The following SND1 variants were observed in gnomAD, a reference collection of about 807,000 sequenced individuals.
SND1 encodes staphylococcal nuclease and tudor domain containing 1.
SND1 carries 38 observed loss-of-function variants against 121.7 expected under a neutral mutation model. That is an observed-to-expected ratio of 0.31 (90% CI 0.24 to 0.41). The LOEUF (loss-of-function observed/expected upper bound fraction) is 0.41, where lower values mean the gene tolerates loss of function less well. Ranked by LOEUF, SND1 falls within the 10% of genes least tolerant of loss-of-function variation. The pLI is 1.00. For synonymous variants in SND1, 401 were observed against 447.4 expected (o/e 0.90, Z 1.31); for missense variants, 868 against 1,184.6 (o/e 0.73, Z 3.92).
At chr7:128,030,483 C>G in intron 16 of SND1, 1 of 1,613,600 alleles carries the variant, frequency 6.2e-7, no homozygotes, top group Non-Finnish European at 8.5e-7. Flanking sequence ...GAACTGGTTA[C>G]TGCACGAGCA....
At chr7:127,823,736 A>T (rs982909900) in intron 11 of SND1, among the ~76,000 whole-genome samples, 1 of 140,844 alleles carries the variant, frequency 7.1e-6, no homozygotes. Context: ...ATCCAGCATT[A>T]CAAACTGTTC....
At chr7:127,902,272 A>G (rs576379550) in intron 13 of SND1, among the ~76,000 whole-genome samples, 3 of 152,208 alleles carry the variant, frequency 2.0e-5, no homozygotes, top group Middle Eastern at 3.4e-3. Flanking sequence ...AGATCTATTT[A>G]TTTTGGTTGT....
At chr7:127,842,837 C>G (rs1164530675) in intron 11 of SND1, among the ~76,000 whole-genome samples, 1 of 152,064 alleles carries the variant, frequency 6.6e-6, no homozygotes, top group Non-Finnish European at 1.5e-5. Context: ...TTCTTAATAA[C>G]TCTTAATCTG....
intron 15 of SND1, among the ~76,000 whole-genome samples, chr7:127,953,290 T>C (rs1228657830): frequency 1.3e-5 from 2 of 151,562 alleles, no homozygotes; most frequent in African/African-American, 2.4e-5. Context: ...CAAGATCTGC[T>C]AATGGGAGCA....
intron 12 of SND1, among the ~76,000 whole-genome samples, chr7:127,848,473 G>A (rs1314991410): frequency 6.6e-6 from 1 of 152,232 alleles, no homozygotes; most frequent in African/African-American, 2.4e-5. Flanking sequence ...GTGCAAGTCA[G>A]TTAAGGGAAG....
At chr7:127,827,650 T>C in intron 11 of SND1, among the ~76,000 whole-genome samples, 1 of 152,242 alleles carries the variant, frequency 6.6e-6, no homozygotes, top group Non-Finnish European at 1.5e-5. Context: ...TTTATCACGA[T>C]GCATATTCAC....
intron 16 of SND1, chr7:127,998,668 T>C (rs1165732239): frequency 6.6e-6 from 1 of 152,242 alleles, no homozygotes; most frequent in African/African-American, 2.4e-5. Flanking sequence ...TCAGAAAGCC[T>C]AGAGAGAAGA....
intron 14 of SND1, among the ~76,000 whole-genome samples, chr7:127,922,627 C>T (rs1800743705): frequency 5.9e-5 from 9 of 152,148 alleles, no homozygotes; most frequent in Admixed American, 5.9e-4. Flanking sequence ...TAATTGTTTT[C>T]TTCCATATGT....
At chr7:127,686,033 G>C (rs1256431739) in intron 1 of SND1, 4 of 152,938 alleles carry the variant, frequency 2.6e-5, no homozygotes, top group Admixed American at 2.6e-4. Context: ...AGGAACTACA[G>C]GCATGCGCCA....
chr7:127,964,324 T>G (rs1239454674), intron 15 of SND1, among the ~76,000 whole-genome samples: 7 of 146,910 alleles, frequency 4.8e-5, no homozygotes, highest in African/African-American at 1.5e-4. Context: ...CATGAAGTCC[T>G]TGCCCACGCC....
At chr7:127,872,093 C>T (rs1377888955) in intron 12 of SND1, among the ~76,000 whole-genome samples, 2 of 152,242 alleles carry the variant, frequency 1.3e-5, no homozygotes, top group African/African-American at 2.4e-5. Flanking sequence ...GATTGTGCCA[C>T]GTACTCCAGC....
chr7:127,704,865 G>A lies in SND1; in HGVS notation c.867G>A (p.Leu289=). The change falls in exon 8 of 24, where the codon CTG becomes CTA. Residue 289 remains leucine, a synonymous_variant. Transcript: ENST00000354725. The stretch of plus-strand genomic sequence containing the variant: ...ATGGCAACATCACAGAGCTCCTCCT[G>A]AAGGAAGGTTTCGCACGCTGTGTGG... ...HPNGNITELL[L]KEGFARCVDW... The A allele has an allele frequency of 6.2e-7, 1 of 1,614,036 alleles. No homozygotes were observed. Among genetic ancestry groups the A allele is most frequent in the Non-Finnish European group, 8.5e-7 (1 of 1,179,942 alleles).
intron 13 of SND1, among the ~76,000 whole-genome samples, chr7:127,901,725 A>T (rs963739140): frequency 6.6e-6 from 1 of 152,196 alleles, no homozygotes; most frequent in Non-Finnish European, 1.5e-5. Flanking sequence ...TTCTCAGTTT[A>T]CATATGCTGG....
chr7:128,086,297 A>G (rs1263738204), intron 20 of SND1, among the ~76,000 whole-genome samples: 1 of 152,240 alleles, frequency 6.6e-6, no homozygotes, highest in East Asian at 1.9e-4. Context: ...GAGGAACAGC[A>G]GCCAGCTGGT....
At chr7:128,017,255 A>C (rs1803245082) in intron 16 of SND1, among the ~76,000 whole-genome samples, 1 of 152,138 alleles carries the variant, frequency 6.6e-6, no homozygotes, top group South Asian at 2.1e-4. Context: ...CCCTGTTCTC[A>C]TGTGGCTTAC....
chr7:127,856,472 ATG>A (rs1799276105), intron 12 of SND1, among the ~76,000 whole-genome samples: 1 of 152,240 alleles, frequency 6.6e-6, no homozygotes, highest in Non-Finnish European at 1.5e-5. Context: ...TTTAGTGAAA[ATG>A]TGTTTTAAAC....
At chr7:127,739,950 G>C (rs1796847657) in intron 10 of SND1, among the ~76,000 whole-genome samples, 1 of 152,210 alleles carries the variant, frequency 6.6e-6, no homozygotes, top group South Asian at 2.1e-4. Context: ...GACTAGAAGA[G>C]AGCCTCTGAG....
chr7:127,782,360 T>TTCTCACATTGGCCTGCAC (rs1432141704), intron 10 of SND1, among the ~76,000 whole-genome samples: 4 of 152,218 alleles, frequency 2.6e-5, no homozygotes, highest in African/African-American at 9.7e-5. Flanking sequence ...GGGTCCTGCA[T>TTCTCACATTGGCCTGCAC]TCTCACATTG....
intron 16 of SND1, among the ~76,000 whole-genome samples, chr7:128,071,993 C>T (rs1793420996): frequency 6.6e-6 from 1 of 152,232 alleles, no homozygotes; most frequent in African/African-American, 2.4e-5. Flanking sequence ...CTGGTGCTCA[C>T]CTGCGCAGGA....
Sources: allele counts gnomAD v4.1 joint callset (sites outside exome capture counted in the v4.1 genomes callset), GRCh38; gene constraint gnomAD v4.1.1; transcripts MANE v1.5; gene names NCBI Gene and HGNC (gene_info 2026-07-23, HGNC 2026-07-21).